Variants in CHM observed in about 807,000 individuals in gnomAD.
CHM encodes CHM Rab escort protein.
Under a neutral mutation model 49.0 loss-of-function variants are expected in CHM, and 10 were observed. That is an observed-to-expected ratio of 0.20 (90% CI 0.13 to 0.35). The LOEUF is 0.35. Among genes scored for constraint, CHM ranks in the 10% least tolerant of loss-of-function variants. The pLI, the probability that CHM is intolerant of heterozygous loss-of-function variation, is 1.00. For missense variants in CHM, 455 were observed against 478.4 expected (o/e 0.95, Z 0.46); for synonymous variants, 184 against 167.5 (o/e 1.10, Z -0.76).
Position 85,957,942 on chromosome X carries a change from T to C in CHM, c.853A>G (p.Lys285Glu), listed in dbSNP as rs1399423057. 8.3e-7 allele frequency: 1 copy of C among 1,211,172 alleles called. No individual in the cohort carries two copies. The highest frequency in any genetic ancestry group is 2.2e-5 in the Admixed American group (1 of 46,011). Residue 285 changes from lysine to glutamate, a missense_variant, in exon 7 of 15, where the codon AAA (lysine) becomes GAA (glutamate). Coordinates refer to ENST00000357749, the MANE Select transcript of CHM (RefSeq NM_000390.4). ...PCSRADVFNS[K>E]QLTMVEKRML... ...CGCTTTTCTACCATAGTAAGTTGTT[T>C]GCTATTAAAGACATCTGCTCTGGAA...
At chrX:86,009,125 A>G (rs1168873409) in intron 2 of CHM, among the ~76,000 whole-genome samples, 3 of 112,226 alleles carry the variant, frequency 2.7e-5, no homozygotes, top group African/African-American at 9.7e-5. Context: ...TGCTCTGCCA[A>G]GTAACAAAGG....
chrX:85,964,068 A>G lies in CHM; in HGVS notation c.315-16T>C, dbSNP rs369951788. The G allele has an allele frequency of 3.4e-6, 4 of 1,191,712 alleles. No individual in the cohort carries two copies. The highest frequency in any genetic ancestry group is 4.4e-5 in the Admixed American group (2 of 45,167). ...CAAATCCTGACTAATAAGAAATATAATAATAAACACCAGGCTTTATATATA... is the reference window on the plus strand; with the variant it reads ...CAAATCCTGACTAATAAGAAATATAGTAATAAACACCAGGCTTTATATATA... On this transcript the variant is annotated splice_polypyrimidine_tract_variant and intron_variant, in intron 4 of 14. Transcript: ENST00000357749.
chrX:85,888,745 C>T (rs1259734511), intron 12 of CHM, among the ~76,000 whole-genome samples: 1 of 111,671 alleles, frequency 9.0e-6, no homozygotes, highest in Non-Finnish European at 1.9e-5. Context: ...TAGCAAAAGA[C>T]CATATCTTAG....
chrX:86,037,405 C>A (rs930167184), intron 1 of CHM, among the ~76,000 whole-genome samples: 9 of 111,416 alleles, frequency 8.1e-5, no homozygotes, highest in African/African-American at 2.6e-4. Context: ...GTGTGAGCCA[C>A]TGTGCCCAGC....
chrX:85,922,488 T>A (rs541381966), intron 8 of CHM, among the ~76,000 whole-genome samples: 1 of 112,479 alleles, frequency 8.9e-6, no homozygotes, highest in South Asian at 3.7e-4. Flanking sequence ...CTCCCCAAGA[T>A]CCCTGCTAAG....
chrX:85,897,265 A>G (rs1454225472), intron 11 of CHM, among the ~76,000 whole-genome samples: 1 of 101,890 alleles, frequency 9.8e-6, no homozygotes, highest in Admixed American at 1.2e-4. Flanking sequence ...TAGTATATAT[A>G]TATATACTAG....
chrX:85,915,644 T>C (rs769958444), intron 8 of CHM, among the ~76,000 whole-genome samples: 2 of 111,954 alleles, frequency 1.8e-5, no homozygotes, highest in African/African-American at 3.3e-5. Flanking sequence ...AGCATTCCTA[T>C]ACACCAACAA....
At chrX:85,883,811 T>A (rs1281150497) in intron 12 of CHM, among the ~76,000 whole-genome samples, 2 of 110,571 alleles carry the variant, frequency 1.8e-5, no homozygotes, top group Admixed American at 9.7e-5. Context: ...ATATATATAT[T>A]TCACATTATA....
chrX:85,997,114 GT>G (rs1453359552), intron 2 of CHM, among the ~76,000 whole-genome samples: 1 of 111,553 alleles, frequency 9.0e-6, no homozygotes, highest in Non-Finnish European at 1.9e-5. Flanking sequence ...TCTTTCATTT[GT>G]ATTTCAAACA....
At chrX:85,985,044 G>A (rs1931830381) in intron 2 of CHM, among the ~76,000 whole-genome samples, 2 of 111,652 alleles carry the variant, frequency 1.8e-5, no homozygotes, top group African/African-American at 6.5e-5. Flanking sequence ...TCAGAGGACT[G>A]GGCAGCAACA....
intron 8 of CHM, among the ~76,000 whole-genome samples, chrX:85,913,332 A>AAAAAAAAAAGAAAGAAAG (rs762266365): frequency 8.5e-5 from 2 of 23,408 alleles, no homozygotes; most frequent in African/African-American, 2.8e-4. Context: ...AAAAAAAAAA[A>AAAAAAAAAAGAAAGAAAG]AAAGAAAGAA....
chrX:85,905,808 T>C (rs762607841), intron 9 of CHM, among the ~76,000 whole-genome samples: 6 of 111,201 alleles, frequency 5.4e-5, no homozygotes, highest in African/African-American at 2.0e-4. Flanking sequence ...GAGATGAGCC[T>C]AGACAGGGAG....
intron 4 of CHM, among the ~76,000 whole-genome samples, chrX:85,976,345 G>A: frequency 9.0e-6 from 1 of 111,534 alleles, no homozygotes; most frequent in South Asian, 3.8e-4. Context: ...TGTTAGAGCC[G>A]GGCGCAGTGG....
At chrX:86,011,448 C>T (rs1933069091) in intron 2 of CHM, among the ~76,000 whole-genome samples, 1 of 111,188 alleles carries the variant, frequency 9.0e-6, no homozygotes, top group Non-Finnish European at 1.9e-5. Context: ...TGAAGCATGA[C>T]TGTAGAAGGA....
chrX:85,930,218 C>T (rs573947377), intron 8 of CHM, among the ~76,000 whole-genome samples: 2 of 112,203 alleles, frequency 1.8e-5, no homozygotes, highest in African/African-American at 3.2e-5. Flanking sequence ...ACTCATATGG[C>T]TATCAAAGAA....
intron 8 of CHM, among the ~76,000 whole-genome samples, chrX:85,925,140 T>C (rs1045510508): frequency 5.4e-5 from 6 of 111,529 alleles, no homozygotes; most frequent in African/African-American, 2.0e-4. Context: ...TCACTCAATC[T>C]TTAAAACATA....
At chrX:85,867,698 A>C (rs1030996162) in intron 14 of CHM, among the ~76,000 whole-genome samples, 25 of 111,699 alleles carry the variant, frequency 2.2e-4, no homozygotes, top group African/African-American at 6.2e-4. Context: ...ATGCTTTCTC[A>C]ATTTCCGAGC....
intron 11 of CHM, among the ~76,000 whole-genome samples, chrX:85,896,991 T>C (rs1299365641): frequency 3.2e-5 from 3 of 95,027 alleles, no homozygotes; most frequent in Non-Finnish European, 6.0e-5. Flanking sequence ...ATATACTATA[T>C]ATTAATTATA....
At chrX:86,037,489 C>A (rs1001447280) in intron 1 of CHM, among the ~76,000 whole-genome samples, 16 of 111,298 alleles carry the variant, frequency 1.4e-4, no homozygotes, top group African/African-American at 5.2e-4. Flanking sequence ...CTTTTCACAG[C>A]AAAGTATACC....
Sources: allele counts gnomAD v4.1 joint callset (sites outside exome capture counted in the v4.1 genomes callset), GRCh38; gene constraint gnomAD v4.1.1; transcripts MANE v1.5; gene names NCBI Gene and HGNC (gene_info 2026-07-23, HGNC 2026-07-21).